CRYM: variants seen among roughly 807,000 people sequenced by gnomAD.
CRYM encodes ketimine reductase mu-crystallin.
In CRYM, 18 loss-of-function variants were observed where a neutral mutation model predicts 32.9. The observed-to-expected ratio is 0.55, with a 90% CI of 0.38 to 0.81. The LOEUF is 0.81. Among genes scored for constraint, CRYM ranks in the 30% least tolerant of loss-of-function variants. The pLI is 0.00. For missense variants in CRYM, 337 were observed against 393.5 expected, an observed-to-expected ratio of 0.86 and a Z score of 1.21; for synonymous variants, 153 against 152.4, an observed-to-expected ratio of 1.00 and a Z score of -0.03.
rs1315754977 is a variant in CRYM, at chr16:21,259,894, CA to C, written c.881-1050del. Among the ~76,000 whole-genome samples, 9 of 152,256 alleles carry C rather than the reference CA, an allele frequency of 5.9e-5. No homozygotes were observed. In the East Asian group the frequency reaches 1.7e-3, roughly 29 times the overall value. On this transcript the variant is annotated intron_variant, in intron 7 of 7. Transcript: ENST00000572914. ...CCAAAAGTAAGAAAGCAAAAATTGC[CA>C]AAAAGGACAGAACAAGTTTCTGCAG...
intron 1 of CRYM, among the ~76,000 whole-genome samples, chr16:21,288,771 G>A (rs1555464926): frequency 6.6e-6 from 1 of 151,980 alleles, no homozygotes; most frequent in Non-Finnish European, 1.5e-5. Flanking sequence ...TTTCTTATAA[G>A]TTTTGGTATA....
intron 1 of CRYM, among the ~76,000 whole-genome samples, chr16:21,297,907 C>A (rs1359320763): frequency 6.6e-6 from 1 of 152,196 alleles, no homozygotes. Flanking sequence ...CAAACTGTAT[C>A]ACAGAGGTTA....
At chr16:21,290,751 T>C (rs181145261) in intron 1 of CRYM, among the ~76,000 whole-genome samples, 6 of 152,378 alleles carry the variant, frequency 3.9e-5, no homozygotes, top group Admixed American at 2.6e-4. Flanking sequence ...TTTAGAGGAA[T>C]CTCAGCATCA....
intron 1 of CRYM, among the ~76,000 whole-genome samples, chr16:21,285,243 C>T (rs2093405522): frequency 6.6e-6 from 1 of 152,214 alleles, no homozygotes; most frequent in Non-Finnish European, 1.5e-5. Flanking sequence ...ACATAAAACA[C>T]AGTGGGCATA....
In CRYM at chr16:21,278,183, G is replaced by A. The variant is rs2093391293; in HGVS notation, c.69C>T (p.Leu23=). Reference sequence around the variant, plus strand: ...CCAGGGCCGTCTCTAGAGGCGGGATGAGGAGGCTGGAGCTGCGGAGGTGTT... The same window carrying A: ...CCAGGGCCGTCTCTAGAGGCGGGATAAGGAGGCTGGAGCTGCGGAGGTGTT... ...VEEHLRSSSL[L]IPPLETALAN... The change falls in exon 1 of 8, where the codon CTC becomes CTT. Residue 23 remains leucine, a synonymous_variant. Transcript: ENST00000572914. 1.3e-6 allele frequency: 2 copies of A among 1,552,736 alleles called. No individual in the cohort carries two copies. Among genetic ancestry groups the A allele is most frequent in the Non-Finnish European group, 1.7e-6 (2 of 1,148,976 alleles).
chr16:21,265,014 A>G (rs966001931), intron 5 of CRYM, among the ~76,000 whole-genome samples: 1 of 152,170 alleles, frequency 6.6e-6, no homozygotes, highest in Non-Finnish European at 1.5e-5. Context: ...CAGTCTCCTG[A>G]ACCACGGGAA....
intron 5 of CRYM, among the ~76,000 whole-genome samples, chr16:21,267,157 G>A (rs970558277): frequency 6.6e-6 from 1 of 151,650 alleles, no homozygotes. Flanking sequence ...AAGTGCAGTG[G>A]CACAATCTTG....
rs143593527 is a variant in CRYM at position 21,277,980 on chromosome 16, T to TA, written c.170+101dup. ...AAAAGTGGCAGCTGTTAGCAACGGT[T>TA]AGGCAAGCCGTCTCTTCCCTTCTCC... is the stretch of plus-strand genomic sequence containing the variant. On this transcript the variant is annotated intron_variant, in intron 1 of 7. Coordinates refer to ENST00000572914, the MANE Select transcript of CRYM (RefSeq NM_001376256.1). This position sits in a 1 kb window ranked among gnomAD's most constrained non-coding sequence, Gnocchi z 4.2. 1 of 1,340,784 alleles carries TA rather than the reference T, an allele frequency of 7.5e-7. No individual in the cohort carries two copies. Among genetic ancestry groups the TA allele is most frequent in the Non-Finnish European group, 1.0e-6 (1 of 990,756 alleles). 83.1% of individuals were successfully genotyped at this position (1,340,784 alleles called of 1,614,324 possible). A position where few individuals can be genotyped will look rare whatever the true frequency, so the allele number is the denominator to read the frequency against.
chr16:21,273,336 C>T (rs1272451616), intron 3 of CRYM, among the ~76,000 whole-genome samples: 1 of 152,124 alleles, frequency 6.6e-6, no homozygotes, highest in Non-Finnish European at 1.5e-5. Context: ...CCCTTTGTTC[C>T]TTATTGAAAC....
chr16:21,269,766 T>TGCCCCCCCCCC, intron 4 of CRYM, 24 bp downstream of exon 4: 1 of 690,474 alleles, frequency 1.4e-6, no homozygotes. Flanking sequence ...CCCTCTTCTC[T>TGCCCCCCCCCC]CCCACCCCCA....
intron 1 of CRYM, among the ~76,000 whole-genome samples, chr16:21,292,125 C>T (rs1244434010): frequency 1.3e-5 from 2 of 152,002 alleles, no homozygotes; most frequent in Non-Finnish European, 2.9e-5. Flanking sequence ...GAAAATAACC[C>T]AATGTCCATC....
At chr16:21,278,514 T>A, upstream of CRYM, 1 of 570,770 alleles carries the variant, frequency 1.8e-6, no homozygotes, top group Non-Finnish European at 3.1e-6. Flanking sequence ...GGAGTCAATA[T>A]TGTTTGGTCC....
chr16:21,261,073 G>A (rs2093353437), intron 7 of CRYM, 181 bp downstream of exon 7: 1 of 659,626 alleles, frequency 1.5e-6, no homozygotes, highest in Admixed American at 2.1e-5. Context: ...CTCTGACCCA[G>A]GACTGCTCAG....
In CRYM at chr16:21,263,530, C is replaced by T. The variant is rs898142765; in HGVS notation, c.674-1372G>A. ...ATGCCCCTTTCCCTCTCCTCACCCC[C>T]GGTTCTCTCTTAACTCATGACAAAA... On this transcript the variant is annotated intron_variant, in intron 5 of 7. Transcript: ENST00000572914. 2.6e-5 allele frequency among the ~76,000 whole-genome samples: 4 copies of T among 152,250 alleles called. No homozygotes were observed. The South Asian group carries it at 8.3e-4, about 32-fold the overall frequency.
chr16:21,289,771 TGCTGATTGGCCCATTTTACAGAGC>T (rs930489882), intron 1 of CRYM, among the ~76,000 whole-genome samples: 4 of 151,904 alleles, frequency 2.6e-5, no homozygotes, highest in Admixed American at 6.6e-5. Context: ...GCCCACATCC[TGCTGATTGGCCCATTTTACAGAGC>T]GCTGATTGGC....
At chr16:21,298,996 C>T (rs1253782539) in intron 1 of CRYM, among the ~76,000 whole-genome samples, 1 of 152,226 alleles carries the variant, frequency 6.6e-6, no homozygotes, top group Non-Finnish European at 1.5e-5. Context: ...ACACCACCCT[C>T]TTTCCTCCTA....
intron 1 of CRYM, among the ~76,000 whole-genome samples, chr16:21,298,729 T>C (rs1203356232): frequency 1.3e-5 from 2 of 152,238 alleles, no homozygotes; most frequent in African/African-American, 4.8e-5. Flanking sequence ...TGGGTTATTA[T>C]TACTTGACCT....
intron 1 of CRYM, among the ~76,000 whole-genome samples, chr16:21,293,425 G>A (rs1459318926): frequency 1.3e-5 from 2 of 152,266 alleles, no homozygotes; most frequent in East Asian, 3.9e-4. Flanking sequence ...ACGGAACACA[G>A]TGGCAACAGC....
At chr16:21,263,637 C>A (rs967227584) in intron 5 of CRYM, among the ~76,000 whole-genome samples, 6 of 152,170 alleles carry the variant, frequency 3.9e-5, no homozygotes, top group African/African-American at 1.4e-4. Flanking sequence ...CCGTCCTGGC[C>A]CTGAACTGTC....
Sources: gnomAD v4.1 joint callset for allele counts (sites outside exome capture counted in the v4.1 genomes callset) on GRCh38, gnomAD v4.1.1 for gene constraint, Gnocchi (gnomAD v3.1) non-coding constraint, MANE v1.5 for transcripts, NCBI Gene and HGNC (gene_info 2026-07-23, HGNC 2026-07-21) for gene names.